Variants in LMNTD1 observed in about 807,000 individuals in gnomAD.
LMNTD1 encodes lamin tail domain containing 1.
LMNTD1 carries 35 observed loss-of-function variants against 50.9 expected under a neutral mutation model. That is an observed-to-expected ratio of 0.69 (90% CI 0.53 to 0.91). The LOEUF is 0.91. Among genes scored for constraint, LMNTD1 ranks in the 40% least tolerant of loss-of-function variants. LMNTD1 has a pLI of 0.00. For synonymous variants in LMNTD1, 153 were observed against 161.9 expected (o/e 0.94, Z 0.42); for missense variants, 470 against 475.5 (o/e 0.99, Z 0.11).
chr12:25,556,033 T>A (rs1218690358), upstream of LMNTD1, among the ~76,000 whole-genome samples: 2 of 138,064 alleles, frequency 1.4e-5, no homozygotes, highest in Middle Eastern at 4.2e-3. Flanking sequence ...AGTGCAATGG[T>A]GCAATCTCGG....
Position 25,518,945 on chromosome 12 carries a change from C to G in LMNTD1, c.1039G>C (p.Val347Leu). 6.2e-7 allele frequency: 1 copy of G among 1,613,970 alleles called. No homozygotes were observed. The highest frequency in any genetic ancestry group is 8.5e-7 in the Non-Finnish European group (1 of 1,179,968). The change falls in exon 8 of 10, where the codon GTT becomes CTT. Residue 347 changes from valine to leucine, a missense_variant. Physicochemically the swap from Val to Leu is conservative, Grantham distance 32 (BLOSUM62 1). Transcript: ENST00000458174. The part of the protein sequence containing the change: ...LKREKEIPPT[V>L]FPNRSPWCQN... ...CACCAAGGGCTGCGATTAGGGAAAA[C>G]GGTTGGTGGGATTTCCTTCTCTCTG...
At chr12:25,544,480 G>A (rs1001573022) in intron 4 of LMNTD1, among the ~76,000 whole-genome samples, 2 of 151,626 alleles carry the variant, frequency 1.3e-5, no homozygotes, top group African/African-American at 4.8e-5. Context: ...CTTCTAGGCA[G>A]CATATAGCTG....
rs781742784 is a variant in LMNTD1, at chr12:25,519,586, T to TTAAAAAAAAAAAAAAAA, written c.1016+271_1016+272insTTTTTTTTTTTTTTTTA. On this transcript the variant is annotated intron_variant, in intron 7 of 9. Transcript: ENST00000458174. The stretch of plus-strand genomic sequence containing the variant: ...CTGGGTGACAGAGCGAGACTCTGTC[T>TTAAAAAAAAAAAAAAAA]CAAAAAAAAAAAAAAAAAAAAAGTG... Among the ~76,000 whole-genome samples the TTAAAAAAAAAAAAAAAA allele has an allele frequency of 1.7e-3, 130 of 74,918 alleles. 7 individuals are homozygous for TTAAAAAAAAAAAAAAAA. Among genetic ancestry groups the TTAAAAAAAAAAAAAAAA allele is most frequent in the East Asian group, 3.5e-3 (7 of 1,988 alleles). The allele number at this position is 74,918 out of a possible 152,430, so 49.1% of individuals were successfully genotyped here. A position where few individuals can be genotyped will look rare whatever the true frequency, so the allele number is the denominator to read the frequency against.
chr12:25,576,272 G>A (rs542933128), intron 1 of LMNTD1, among the ~76,000 whole-genome samples: 275 of 152,252 alleles, frequency 1.8e-3, no homozygotes, highest in Non-Finnish European at 3.2e-3. Flanking sequence ...CCACACTGAC[G>A]TCCACAATGG....
At chr12:25,595,512 A>T (rs1193340903) in intron 1 of LMNTD1, among the ~76,000 whole-genome samples, 1 of 152,150 alleles carries the variant, frequency 6.6e-6, no homozygotes, top group East Asian at 1.9e-4. Flanking sequence ...GATGGAAATT[A>T]AAAAATTCTT....
At chr12:25,493,477 C>A (rs1430057210) in intron 9 of LMNTD1, among the ~76,000 whole-genome samples, 12 of 152,156 alleles carry the variant, frequency 7.9e-5, no homozygotes, top group African/African-American at 2.7e-4. Context: ...AGTATTCAAA[C>A]AGATTCTCCT....
chr12:25,579,160 A>G (rs1945164113), intron 1 of LMNTD1, among the ~76,000 whole-genome samples: 1 of 152,220 alleles, frequency 6.6e-6, no homozygotes, highest in Non-Finnish European at 1.5e-5. Context: ...GTAAATATAC[A>G]CAGTCAGCCC....
At chr12:25,602,141 T>C (rs829033) in intron 1 of LMNTD1, among the ~76,000 whole-genome samples, 2,925 of 152,034 alleles carry the variant, frequency 0.019, 44 homozygotes, top group African/African-American at 0.033. Flanking sequence ...GAAGGGGTAC[T>C]GACTGGGCCA....
Position 25,560,223 on chromosome 12 carries a change from G to A in LMNTD1, c.59-13669C>T, listed in dbSNP as rs559157400. Among the ~76,000 whole-genome samples, 46 of 152,306 alleles carry A rather than the reference G, an allele frequency of 3.0e-4. 1 individual carries two copies. Among genetic ancestry groups the A allele is most frequent in the African/African-American group, 9.9e-4 (41 of 41,556 alleles). ...CCATCTTGAATTAATTTTTGTATAA[G>A]GTGTAAGGAAGGGATCCAGTTTCAG... On this transcript the variant is annotated intron_variant, in intron 1 of 7. Transcript: ENST00000445693.
chr12:25,490,102 T>C (rs908307813), intron 9 of LMNTD1, among the ~76,000 whole-genome samples: 6 of 152,240 alleles, frequency 3.9e-5, no homozygotes, highest in Non-Finnish European at 5.9e-5. Flanking sequence ...TGGATAAGCC[T>C]GTAATGTGTA....
At chr12:25,643,830 T>C (rs1280382519) in intron 1 of LMNTD1, among the ~76,000 whole-genome samples, 1 of 146,756 alleles carries the variant, frequency 6.8e-6, no homozygotes, top group Non-Finnish European at 1.5e-5. Context: ...GTTAGTTGAT[T>C]ATGAGTCCAA....
intron 8 of LMNTD1, 39 bp from the exon 9 acceptor site, chr12:25,503,839 C>T (rs770148352): frequency 3.2e-6 from 4 of 1,245,826 alleles, no homozygotes; most frequent in Non-Finnish European, 1.1e-6. Context: ...AGGAGAGAGG[C>T]TAGGTAGGGA....
chr12:25,585,047 A>G (rs1366834959), intron 1 of LMNTD1, among the ~76,000 whole-genome samples: 1 of 152,224 alleles, frequency 6.6e-6, no homozygotes, highest in Non-Finnish European at 1.5e-5. Flanking sequence ...AAAGGGTCTG[A>G]CCTTGAGGAC....
At position 25,535,069 on chromosome 12, in the gene LMNTD1, AT is replaced by A. The variant is rs368436578; in HGVS notation, c.492-8115del. On this transcript the variant is annotated intron_variant, in intron 4 of 9. Coordinates refer to ENST00000458174, the MANE Select transcript of LMNTD1 (RefSeq NM_001145728.2). ...TAACAAGGAGAAAAATCAATAAAAA[AT>A]GATGCAGAACTGACACAGATGTTAG... Among the ~76,000 whole-genome samples the A allele has an allele frequency of 1.7e-3, 253 of 152,344 alleles. 2 individuals are homozygous for A. The East Asian group carries it at 0.025, about 15-fold the overall frequency.
At position 25,584,842 on chromosome 12, in the gene LMNTD1, GT is replaced by G. The variant is rs1445511974; in HGVS notation, c.59-38289del. Among the ~76,000 whole-genome samples, 22 of 152,296 alleles carry G rather than the reference GT, an allele frequency of 1.4e-4. 1 individual carries two copies. The highest frequency in any genetic ancestry group is 4.2e-4 in the South Asian group (2 of 4,818). On this transcript the variant is annotated intron_variant, in intron 1 of 7. Transcript: ENST00000445693. ...GGGTCTAATACTTATTCAGTAAGGAGTGTTTTTCCATGGCTGAAAAATACAA... is the reference window on the plus strand; with the variant it reads ...GGGTCTAATACTTATTCAGTAAGGAGGTTTTTCCATGGCTGAAAAATACAA...
At chr12:25,604,326 G>T (rs572903041) in intron 1 of LMNTD1, among the ~76,000 whole-genome samples, 5 of 151,778 alleles carry the variant, frequency 3.3e-5, no homozygotes, top group African/African-American at 4.8e-5. Flanking sequence ...AAAAATCATG[G>T]TTCTTTATTT....
intron 1 of LMNTD1, among the ~76,000 whole-genome samples, chr12:25,607,404 T>G (rs1096008): frequency 0.019 from 2,929 of 152,308 alleles, 43 homozygotes; most frequent in African/African-American, 0.033. Context: ...CTTGCTTCTC[T>G]AGTTCTTTTA....
intron 1 of LMNTD1, among the ~76,000 whole-genome samples, chr12:25,594,219 G>A (rs1945784515): frequency 6.6e-6 from 1 of 152,088 alleles, no homozygotes; most frequent in Non-Finnish European, 1.5e-5. Flanking sequence ...AGAACACCTG[G>A]GAAAATCATT....
chr12:25,545,750 T>C (rs1943390282), intron 4 of LMNTD1, among the ~76,000 whole-genome samples: 1 of 151,610 alleles, frequency 6.6e-6, no homozygotes, highest in Non-Finnish European at 1.5e-5. Flanking sequence ...AAACATGGCA[T>C]AAAGGGAGAG....
Sources: gnomAD v4.1 joint callset for allele counts (sites outside exome capture counted in the v4.1 genomes callset) on GRCh38, gnomAD v4.1.1 for gene constraint, MANE v1.5 for transcripts, NCBI Gene and HGNC (gene_info 2026-07-23, HGNC 2026-07-21) for gene names.